ROBO2: variants seen among roughly 807,000 people sequenced by gnomAD.
ROBO2 encodes the protein roundabout guidance receptor 2.
In ROBO2, 53 loss-of-function variants were observed where a neutral mutation model predicts 160.8. The observed-to-expected ratio is 0.33, with a 90% CI of 0.26 to 0.41. The LOEUF (loss-of-function observed/expected upper bound fraction) is 0.41, where lower values mean the gene tolerates loss of function less well. Ranked by LOEUF, ROBO2 falls within the 10% of genes least tolerant of loss-of-function variation. The pLI, the probability that ROBO2 is intolerant of heterozygous loss-of-function variation, is 1.00. For missense variants in ROBO2, 1,577 were observed against 1,722.4 expected (o/e 0.92, Z 1.49); for synonymous variants, 664 against 611.7 (o/e 1.09, Z -1.26).
rs541000043 is a variant in ROBO2 at position 76,167,144 on chromosome 3, T to C, written c.109+229542T>C. Among the ~76,000 whole-genome samples, 65 of 152,254 alleles carry C rather than the reference T, an allele frequency of 4.3e-4. No individual in the cohort carries two copies. In the South Asian group the frequency reaches 0.013, roughly 31 times the overall value. On this transcript the variant is annotated intron_variant, in intron 2 of 26. Transcript: ENST00000487694. ...TTAGTAGAGATGAGATTTCACCATGTTGACCAGGCTGATCTCGAACTCCTG... is the reference window on the plus strand; with the variant it reads ...TTAGTAGAGATGAGATTTCACCATGCTGACCAGGCTGATCTCGAACTCCTG...
At chr3:76,074,633 G>C (rs564683349) in intron 2 of ROBO2, among the ~76,000 whole-genome samples, 46 of 152,188 alleles carry the variant, frequency 3.0e-4, no homozygotes, top group Non-Finnish European at 4.6e-4. Flanking sequence ...AATATTAAGT[G>C]AGATGGATCC....
intron 2 of ROBO2, among the ~76,000 whole-genome samples, chr3:76,251,107 C>G (rs541431677): frequency 1.3e-5 from 2 of 152,116 alleles, no homozygotes; most frequent in East Asian, 3.9e-4. Flanking sequence ...ACCCTTCCTA[C>G]CCCTGCAGCC....
intron 2 of ROBO2, among the ~76,000 whole-genome samples, chr3:76,575,692 T>C (rs1440266512): frequency 2.0e-5 from 3 of 152,098 alleles, no homozygotes; most frequent in Non-Finnish European, 4.4e-5. Flanking sequence ...ATTTCTTTTC[T>C]GTTCATACCT....
At chr3:77,248,165 C>T (rs147774105) in intron 2 of ROBO2, among the ~76,000 whole-genome samples, 385 of 152,156 alleles carry the variant, frequency 2.5e-3, no homozygotes, top group African/African-American at 9.0e-3. Context: ...GGGGATGGCC[C>T]GACTCTAGAG....
At chr3:77,339,711 G>A (rs1414080849) in intron 2 of ROBO2, among the ~76,000 whole-genome samples, 1 of 151,762 alleles carries the variant, frequency 6.6e-6, no homozygotes, top group Non-Finnish European at 1.5e-5. Flanking sequence ...CATCTACAGG[G>A]AATGATGACC....
chr3:76,554,073 C>T (rs992936552), intron 2 of ROBO2, among the ~76,000 whole-genome samples: 1 of 152,088 alleles, frequency 6.6e-6, no homozygotes, highest in Non-Finnish European at 1.5e-5. Flanking sequence ...TAATCACACA[C>T]ATGAAAATGA....
chr3:76,397,740 G>A (rs1481728466), intron 2 of ROBO2, among the ~76,000 whole-genome samples: 1 of 152,106 alleles, frequency 6.6e-6, no homozygotes, highest in Non-Finnish European at 1.5e-5. Flanking sequence ...ACCATCACTG[G>A]CCATCAGAGA....
intron 2 of ROBO2, among the ~76,000 whole-genome samples, chr3:76,201,956 C>T (rs1324854953): frequency 6.6e-6 from 1 of 150,610 alleles, no homozygotes; most frequent in East Asian, 1.9e-4. Context: ...ACCAGCCCAC[C>T]ACTTGTCCTG....
rs374073945 is a variant in ROBO2 at position 77,073,705 on chromosome 3, G to A, written c.62-24309G>A. 4.5e-4 allele frequency among the ~76,000 whole-genome samples: 69 copies of A among 152,164 alleles called. No individual in the cohort carries two copies. The South Asian group carries it at 0.014, about 31-fold the overall frequency. Reference sequence around the variant, plus strand: ...GATCCATCTTCTCTTCTTTTCTGTCGACATGAATAGTAAGTGATTTCCTCC... The same window carrying A: ...GATCCATCTTCTCTTCTTTTCTGTCAACATGAATAGTAAGTGATTTCCTCC... On this transcript the variant is annotated intron_variant, in intron 1 of 25. Coordinates refer to ENST00000461745, the Ensembl canonical transcript of ROBO2.
intron 2 of ROBO2, among the ~76,000 whole-genome samples, chr3:76,581,364 T>TG (rs1472217826): frequency 6.6e-6 from 1 of 151,758 alleles, no homozygotes; most frequent in Admixed American, 6.6e-5. Flanking sequence ...GTGTGCAAAA[T>TG]GGAGATCCAG....
At chr3:76,201,251 A>G (rs990424256) in intron 2 of ROBO2, among the ~76,000 whole-genome samples, 2 of 152,154 alleles carry the variant, frequency 1.3e-5, no homozygotes, top group East Asian at 1.9e-4. Context: ...CTGAAAATCC[A>G]ATTTTTATAC....
chr3:77,629,215 G>C (rs951705211), intron 23 of ROBO2: 41 of 152,184 alleles, frequency 2.7e-4, no homozygotes, highest in Non-Finnish European at 1.5e-5. Context: ...AGATAAACAG[G>C]GTTATCTGAG....
intron 2 of ROBO2, among the ~76,000 whole-genome samples, chr3:77,006,422 T>C (rs988154823): frequency 1.3e-5 from 2 of 150,946 alleles, no homozygotes; most frequent in Non-Finnish European, 2.9e-5. Context: ...AAAGGAAAGA[T>C]AATAGAAGTA....
chr3:77,296,505 G>A (rs1651947626), intron 2 of ROBO2, among the ~76,000 whole-genome samples: 1 of 152,072 alleles, frequency 6.6e-6, no homozygotes, highest in Admixed American at 6.6e-5. Context: ...TGTTTGTCTT[G>A]TTTTCTTTTG....
At chr3:76,682,701 C>T (rs1455638966) in intron 2 of ROBO2, among the ~76,000 whole-genome samples, 7 of 152,104 alleles carry the variant, frequency 4.6e-5, no homozygotes, top group African/African-American at 1.4e-4. Context: ...CCACGGTGCC[C>T]GGCCCAAAAA....
At chr3:77,336,573 A>G (rs756275637) in intron 2 of ROBO2, among the ~76,000 whole-genome samples, 2 of 149,876 alleles carry the variant, frequency 1.3e-5, no homozygotes, top group Non-Finnish European at 3.0e-5. Context: ...AGTGTGGTGG[A>G]TGGACTAGGA....
intron 2 of ROBO2, among the ~76,000 whole-genome samples, chr3:76,542,648 T>C (rs918647412): frequency 3.3e-5 from 5 of 152,270 alleles, no homozygotes; most frequent in East Asian, 3.9e-4. Flanking sequence ...TCTGCTCACC[T>C]TTTTTCTGTC....
chr3:77,165,634 A>G (rs185251096), intron 2 of ROBO2, among the ~76,000 whole-genome samples: 34 of 152,246 alleles, frequency 2.2e-4, no homozygotes, highest in East Asian at 1.9e-3. Context: ...CCTAACTCCT[A>G]TATTTTTGTA....
intron 2 of ROBO2, among the ~76,000 whole-genome samples, chr3:76,666,085 C>A (rs7433009): frequency 0.84 from 122,097 of 146,084 alleles, 51,373 homozygotes; most frequent in South Asian, 0.93. Context: ...TAAGCAAACT[C>A]TCCATTTTGT....
Sources: gnomAD v4.1 joint callset for allele counts (sites outside exome capture counted in the v4.1 genomes callset) on GRCh38, gnomAD v4.1.1 for gene constraint, MANE v1.5 for transcripts, NCBI Gene and HGNC (gene_info 2026-07-23, HGNC 2026-07-21) for gene names.